TENM3: variants seen among roughly 807,000 people sequenced by gnomAD.
The protein encoded by TENM3 is teneurin-3.
In TENM3, 63 loss-of-function variants were observed where a neutral mutation model predicts 255.1. The ratio of observed to expected loss-of-function variants is 0.25; its 90% CI spans 0.20 to 0.30. The LOEUF is 0.30. Ranked by LOEUF, TENM3 falls within the 10% of genes least tolerant of loss-of-function variation. The pLI, the probability that TENM3 is intolerant of heterozygous loss-of-function variation, is 1.00. For synonymous variants in TENM3, 1,306 were observed against 1,322.3 expected (o/e 0.99, Z 0.27); for missense variants, 2,929 against 3,461.1 (o/e 0.85, Z 3.86).
intron 6 of TENM3, among the ~76,000 whole-genome samples, chr4:182,655,994 G>A (rs1691403522): frequency 6.6e-6 from 1 of 152,112 alleles, no homozygotes; most frequent in Non-Finnish European, 1.5e-5. Flanking sequence ...ATGAAATATT[G>A]TGCTCTGTAA....
chr4:181,812,411 C>T, the TENM3 span, among the ~76,000 whole-genome samples: 11 of 152,266 alleles, frequency 7.2e-5, no homozygotes, highest in East Asian at 2.1e-3. Context: ...TAATTTATGA[C>T]TTTCTGATAC....
chr4:182,380,419 C>T (rs1303854462), intron 3 of TENM3, among the ~76,000 whole-genome samples: 2 of 152,216 alleles, frequency 1.3e-5, no homozygotes, highest in Non-Finnish European at 2.9e-5. Flanking sequence ...TGTGGACAGG[C>T]ACCATGTCCA....
At chr4:181,629,844 G>A in the TENM3 span, among the ~76,000 whole-genome samples, 6 of 152,166 alleles carry the variant, frequency 3.9e-5, no homozygotes, top group Non-Finnish European at 5.9e-5. Flanking sequence ...GGATGATGCC[G>A]ACCTCATAAA....
chr4:181,801,913 CAT>C, the TENM3 span, among the ~76,000 whole-genome samples: 2 of 151,866 alleles, frequency 1.3e-5, no homozygotes, highest in South Asian at 2.1e-4. Context: ...TGTCCTTGTT[CAT>C]ATGTTATTTC....
At chr4:182,253,923 T>A (rs1250857414) in intron 1 of TENM3, among the ~76,000 whole-genome samples, 3 of 152,086 alleles carry the variant, frequency 2.0e-5, no homozygotes, top group Non-Finnish European at 4.4e-5. Flanking sequence ...GCAATCAAAA[T>A]AACGATACAC....
At chr4:182,649,774 G>GGCCCCAGCCCCCAAGTACT (rs1258886831) in intron 5 of TENM3, among the ~76,000 whole-genome samples, 5 of 150,158 alleles carry the variant, frequency 3.3e-5, no homozygotes, top group African/African-American at 9.7e-5. Context: ...TGATATCCTC[G>GGCCCCAGCCCCCAAGTACT]GCCCCAGCCC....
chr4:181,863,056 T>G, the TENM3 span, among the ~76,000 whole-genome samples: 1 of 152,298 alleles, frequency 6.6e-6, no homozygotes, highest in Middle Eastern at 3.4e-3. Context: ...AGAAACTAGG[T>G]AGGTATATTT....
At chr4:181,545,974 T>C in the TENM3 span, among the ~76,000 whole-genome samples, 2 of 152,194 alleles carry the variant, frequency 1.3e-5, no homozygotes, top group Non-Finnish European at 2.9e-5. Context: ...GGAGTAAATA[T>C]AATGATGGGA....
At position 182,800,125 on chromosome 4, in the gene TENM3, G is replaced by A. The variant is rs1262363503; in HGVS notation, c.7874G>A (p.Arg2625Gln). 1.3e-6 allele frequency: 2 copies of A among 1,493,482 alleles called. No homozygotes were observed. The highest frequency in any genetic ancestry group is 2.6e-5 in the Admixed American group (1 of 38,896). The allele number at this position is 1,493,482 out of a possible 1,614,324, so 92.5% of individuals were successfully genotyped here. The change falls in exon 28 of 28, where the codon CGG (arginine) becomes CAG (glutamine). Residue 2625 changes from arginine to glutamine, a missense_variant. By Grantham distance (43) the Arg-to-Gln change is conservative (BLOSUM62 1). This residue lies in a region of TENM3 where 476 missense variants were observed against 480.1 expected (regional missense o/e 0.99). Transcript: ENST00000511685. Reference sequence around the variant, plus strand: ...AAGGCGCGCATCCTGGAGCAGGCGCGGCAGCGCGCGCTCGCCCGGGCCTGG... The same window carrying A: ...AAGGCGCGCATCCTGGAGCAGGCGCAGCAGCGCGCGCTCGCCCGGGCCTGG... ...EEKARILEQARQRALARAWAR... is the reference protein window; with the variant it reads ...EEKARILEQAQQRALARAWAR...
chr4:181,699,880 A>G, the TENM3 span, among the ~76,000 whole-genome samples: 1 of 152,226 alleles, frequency 6.6e-6, no homozygotes, highest in Non-Finnish European at 1.5e-5. Flanking sequence ...GAAGATTAAC[A>G]AGTCCTCAGA....
At chr4:182,332,256 G>C (rs180810825) in intron 2 of TENM3, among the ~76,000 whole-genome samples, 2 of 152,264 alleles carry the variant, frequency 1.3e-5, no homozygotes, top group East Asian at 3.9e-4. Context: ...GATGTCCCTT[G>C]ACTGTGATGA....
the TENM3 span, among the ~76,000 whole-genome samples, chr4:181,703,882 C>T: frequency 6.6e-6 from 1 of 152,016 alleles, no homozygotes; most frequent in Non-Finnish European, 1.5e-5. Context: ...GCGTTTCAAC[C>T]TTGAAAAATG....
the TENM3 span, among the ~76,000 whole-genome samples, chr4:181,587,963 T>C: frequency 1.3e-5 from 2 of 151,774 alleles, no homozygotes; most frequent in African/African-American, 4.8e-5. Flanking sequence ...CGTCCTGAGA[T>C]GGAAAGAAGG....
the TENM3 span, among the ~76,000 whole-genome samples, chr4:181,967,199 C>T: frequency 6.6e-6 from 1 of 152,106 alleles, no homozygotes; most frequent in Non-Finnish European, 1.5e-5. Context: ...ACTTTGCAGC[C>T]TTATTTGAGA....
the TENM3 span, among the ~76,000 whole-genome samples, chr4:181,991,224 G>GA: frequency 6.6e-6 from 1 of 152,014 alleles, no homozygotes. Context: ...TCTTACAAAT[G>GA]AAAAAAATTG....
chr4:181,809,568 C>T, the TENM3 span, among the ~76,000 whole-genome samples: 1 of 152,112 alleles, frequency 6.6e-6, no homozygotes, highest in Non-Finnish European at 1.5e-5. Flanking sequence ...TGCTACTATG[C>T]TGAAGAAAAG....
At chr4:181,456,185 A>G in the TENM3 span, among the ~76,000 whole-genome samples, 224 of 133,616 alleles carry the variant, frequency 1.7e-3, 3 homozygotes, top group African/African-American at 6.0e-3. Context: ...ATATGTATAT[A>G]TGTATATGTG....
the TENM3 span, among the ~76,000 whole-genome samples, chr4:181,840,202 A>C: frequency 6.6e-6 from 1 of 151,710 alleles, no homozygotes; most frequent in African/African-American, 2.4e-5. Flanking sequence ...TAAATTTTTC[A>C]TTTTCTTTAT....
chr4:181,683,712 T>C, the TENM3 span, among the ~76,000 whole-genome samples: 3 of 152,110 alleles, frequency 2.0e-5, no homozygotes, highest in African/African-American at 7.2e-5. Context: ...GTATGGATGA[T>C]CCCAAACCGT....
Sources: gnomAD v4.1 joint callset for allele counts (sites outside exome capture counted in the v4.1 genomes callset) on GRCh38, gnomAD v4.1.1 for gene constraint, gnomAD v4.1.1 regional missense constraint, MANE v1.5 for transcripts, NCBI Gene and HGNC (gene_info 2026-07-23, HGNC 2026-07-21) for gene names.